Variants in DLGAP3 observed in about 807,000 individuals in gnomAD.
DLGAP3 encodes the protein DLG associated protein 3, also known as disks large-associated protein 3.
A neutral mutation model predicts 81.2 loss-of-function variants in DLGAP3; 17 were observed. That is an observed-to-expected ratio of 0.21 (90% CI 0.14 to 0.31). DLGAP3 has a LOEUF of 0.31. DLGAP3 is among the 10% of genes least tolerant of loss of function. The pLI is 1.00. For synonymous variants in DLGAP3, 577 were observed against 587.4 expected (o/e 0.98, Z 0.26); for missense variants, 1,124 against 1,388.0 (o/e 0.81, Z 3.02).
intron 1 of DLGAP3, among the ~76,000 whole-genome samples, chr1:34,921,963 C>T (rs543167726): frequency 6.6e-6 from 1 of 152,280 alleles, no homozygotes; most frequent in South Asian, 2.1e-4. Flanking sequence ...TGCACATGTA[C>T]CTGTACACGT....
intron 5 of DLGAP3, among the ~76,000 whole-genome samples, chr1:34,897,531 A>G (rs1639397265): frequency 6.6e-6 from 1 of 152,074 alleles, no homozygotes; most frequent in East Asian, 1.9e-4. Context: ...CAGCCTTAGG[A>G]GAGGAACTCA....
chr1:34,899,995 T>C, intron 4 of DLGAP3, 73 bp downstream of exon 4: 1 of 1,346,426 alleles, frequency 7.4e-7, no homozygotes, highest in Non-Finnish European at 1.0e-6. Flanking sequence ...TGGCACCCAC[T>C]CTACACACAT....
rs1316822016 is a variant in DLGAP3 at position 34,868,057 on chromosome 1, A to G, written c.2486-430T>C. 6.6e-6 allele frequency among the ~76,000 whole-genome samples: 1 copy of G among 152,156 alleles called. No individual in the cohort carries two copies. Among genetic ancestry groups the G allele is most frequent in the Non-Finnish European group, 1.5e-5 (1 of 68,024 alleles). On this transcript the variant is annotated intron_variant, in intron 9 of 11. Transcript: ENST00000373347. The surrounding 1 kb of genome is among the most constrained non-coding windows in gnomAD (Gnocchi z 7.5). ...GACCAAGTAATTTCATGTACATAAC[A>G]CATCTTCATAGCCACTGTCCCCTCA...
chr1:34,918,105 C>T (rs752666990), intron 1 of DLGAP3, among the ~76,000 whole-genome samples: 1 of 152,206 alleles, frequency 6.6e-6, no homozygotes, highest in Non-Finnish European at 1.5e-5. Context: ...GGGGGGGTCT[C>T]TCAGAGGAAC....
chr1:34,927,298 T>G (rs1234804316), intron 1 of DLGAP3, among the ~76,000 whole-genome samples: 1 of 152,136 alleles, frequency 6.6e-6, no homozygotes, highest in African/African-American at 2.4e-5. Context: ...CATGGAGGAT[T>G]GCAAAGTTCC....
intron 8 of DLGAP3, among the ~76,000 whole-genome samples, chr1:34,880,015 T>C (rs1047496711): frequency 6.6e-6 from 1 of 152,158 alleles, no homozygotes; most frequent in Admixed American, 6.5e-5. Context: ...CAAAGACGAA[T>C]AAAATGTAAG....
Position 34,926,960 on chromosome 1 carries a change from G to A in DLGAP3, c.-135+2491C>T, listed in dbSNP as rs892171968. 7.9e-5 allele frequency among the ~76,000 whole-genome samples: 12 copies of A among 152,282 alleles called. No homozygotes were observed. The South Asian group carries it at 2.5e-3, about 32-fold the overall frequency. ...AGGAAAACAAGCTTAGCCAGCTCGAGCCCCAACATCAGCTGGAAGAGATGA... is the reference window on the plus strand; with the variant it reads ...AGGAAAACAAGCTTAGCCAGCTCGAACCCCAACATCAGCTGGAAGAGATGA... On this transcript the variant is annotated intron_variant, in intron 1 of 11. Transcript: ENST00000373347.
At chr1:34,890,265 C>A (rs1016131532) in intron 5 of DLGAP3, among the ~76,000 whole-genome samples, 7 of 152,180 alleles carry the variant, frequency 4.6e-5, no homozygotes, top group African/African-American at 1.7e-4. Context: ...CCAACAGAAG[C>A]AACTGCAAAA....
intron 8 of DLGAP3, among the ~76,000 whole-genome samples, chr1:34,872,118 C>T (rs568209434): frequency 6.6e-5 from 10 of 152,184 alleles, no homozygotes; most frequent in South Asian, 4.1e-4. Context: ...TGGGTGGAGA[C>T]GGTGCAGCTC....
chr1:34,913,449 C>T (rs1039352411), intron 1 of DLGAP3, among the ~76,000 whole-genome samples: 4 of 152,186 alleles, frequency 2.6e-5, no homozygotes, highest in Non-Finnish European at 4.4e-5. Context: ...CTTCCTCTGC[C>T]TCGGAAGAGA....
At position 34,904,172 on chromosome 1, in the gene DLGAP3, C is replaced by A; in HGVS notation, c.1107+105G>T. On this transcript the variant is annotated intron_variant, in intron 3 of 11. Transcript: ENST00000373347. This position sits in a 1 kb window ranked among gnomAD's most constrained non-coding sequence, Gnocchi z 8.1. ...AGAGCCTCCCTACACCCAGGCCCTC[C>A]ATCACAGGGACAGCTGGCTCCCACC... 7.1e-7 allele frequency: 1 copy of A among 1,407,624 alleles called. No individual in the cohort carries two copies. Among genetic ancestry groups the A allele is most frequent in the Non-Finnish European group, 9.9e-7 (1 of 1,006,898 alleles). The allele number at this position is 1,407,624 out of a possible 1,614,324, so 87.2% of individuals were successfully genotyped here.
chr1:34,870,042 G>A (rs542732163), intron 8 of DLGAP3, among the ~76,000 whole-genome samples: 3 of 152,304 alleles, frequency 2.0e-5, no homozygotes, highest in South Asian at 2.1e-4. Context: ...TAGGGACCCC[G>A]ATGGCTCAGC....
At chr1:34,885,158 C>A (rs753157428) in intron 7 of DLGAP3, 95 bp from the exon 8 acceptor site, 3 of 1,197,416 alleles carry the variant, frequency 2.5e-6, no homozygotes, top group Non-Finnish European at 3.7e-6. Context: ...CCCAAGCCAG[C>A]TGGCAGGTCC....
rs1639243437 is a variant in DLGAP3 at position 34,886,984 on chromosome 1, T to G, written c.1387-699A>C. Among the ~76,000 whole-genome samples the G allele has an allele frequency of 2.4e-5, 3 of 122,756 alleles. No homozygotes were observed. In the South Asian group the frequency reaches 9.0e-4, roughly 37 times the overall value. The allele number at this position is 122,756 out of a possible 152,430, so 80.5% of individuals were successfully genotyped here. ...TTTTTTTTTTTTTTGAGACAGAGTCTCGCTCAGTTGCCCAGGCTGGAGTGC... is the reference window on the plus strand; with the variant it reads ...TTTTTTTTTTTTTTGAGACAGAGTCGCGCTCAGTTGCCCAGGCTGGAGTGC... On this transcript the variant is annotated intron_variant, in intron 5 of 11. Transcript: ENST00000373347.
rs768638422 is a variant in DLGAP3 at position 34,868,812 on chromosome 1, G to C, written c.2278C>G (p.Pro760Ala). Reference protein sequence around the residue: ...PATDGSPGPAPAPTPGPGAGR... With the variant: ...PATDGSPGPAAAPTPGPGAGR... ...GCCCCAGGGCCGGGGGTGGGGGCGG[G>C]GGCAGGGCCGGGCGACCCATCGGTG... The change falls in exon 9 of 12, where the codon CCC (proline) becomes GCC (alanine). Residue 760 changes from proline to alanine, a missense_variant. Physicochemically the swap from Pro to Ala is conservative, Grantham distance 27. Coordinates refer to ENST00000373347, the MANE Select transcript of DLGAP3 (RefSeq NM_001080418.3). This position sits in a 1 kb window ranked among gnomAD's most constrained non-coding sequence, Gnocchi z 7.5. 1 of 1,578,416 alleles carries C rather than the reference G, an allele frequency of 6.3e-7. No individual in the cohort carries two copies. Among genetic ancestry groups the C allele is most frequent in the Non-Finnish European group, 8.6e-7 (1 of 1,167,330 alleles).
Position 34,867,485 on chromosome 1 carries a change from C to T in DLGAP3, c.2577+51G>A, listed in dbSNP as rs1331614304. ...CTGCCTGTCTCACCTCCAGCACACACACACTCTGGGTCACATGTATCTGGT... is the reference window on the plus strand; with the variant it reads ...CTGCCTGTCTCACCTCCAGCACACATACACTCTGGGTCACATGTATCTGGT... On this transcript the variant is annotated intron_variant, in intron 10 of 11. Coordinates refer to ENST00000373347, the MANE Select transcript of DLGAP3 (RefSeq NM_001080418.3). This position sits in a 1 kb window ranked among gnomAD's most constrained non-coding sequence, Gnocchi z 4.3. 4 of 1,508,172 alleles carry T rather than the reference C, an allele frequency of 2.7e-6. No homozygotes were observed. The highest frequency in any genetic ancestry group is 3.7e-6 in the Non-Finnish European group (4 of 1,083,098). 93.4% of individuals were successfully genotyped at this position (1,508,172 alleles called of 1,614,324 possible). A position where few individuals can be genotyped will look rare whatever the true frequency, so the allele number is the denominator to read the frequency against.
chr1:34,898,124 A>G (rs769278631), intron 5 of DLGAP3, among the ~76,000 whole-genome samples: 1 of 152,190 alleles, frequency 6.6e-6, no homozygotes. Context: ...TGGCATTTAC[A>G]AGAGAGTTTG....
intron 5 of DLGAP3, among the ~76,000 whole-genome samples, chr1:34,891,806 A>G (rs1294205548): frequency 6.6e-6 from 1 of 152,264 alleles, no homozygotes; most frequent in Non-Finnish European, 1.5e-5. Flanking sequence ...AAGGCTTAAA[A>G]TAAAAATAAG....
chr1:34,869,001 C>A lies in DLGAP3; in HGVS notation c.2089G>T (p.Ala697Ser). 1 of 1,606,104 alleles carries A rather than the reference C, an allele frequency of 6.2e-7. No individual in the cohort carries two copies. Among genetic ancestry groups the A allele is most frequent in the Non-Finnish European group, 8.5e-7 (1 of 1,179,448 alleles). The change falls in exon 9 of 12, where the codon GCC becomes TCC. Residue 697 changes from alanine (A) to serine (S), a missense_variant. Transcript: ENST00000373347. ...LEGLAGLATVATEDKALQFGR... is the reference protein window; with the variant it reads ...LEGLAGLATVSTEDKALQFGR... ...AACTGCAGGGCCTTGTCTTCTGTGG[C>A]CACCGTGGCCAGGCCTGCCAGGCCC... is the stretch of plus-strand genomic sequence containing the variant.
Sources: allele counts gnomAD v4.1 joint callset (sites outside exome capture counted in the v4.1 genomes callset), GRCh38; gene constraint gnomAD v4.1.1; non-coding constraint Gnocchi (gnomAD v3.1); transcripts MANE v1.5; gene names NCBI Gene and HGNC (gene_info 2026-07-23, HGNC 2026-07-21).